CTIF: variants seen among roughly 807,000 people sequenced by gnomAD.
CTIF encodes the protein cap binding complex dependent translation initiation factor, also known as CBP80/20-dependent translation initiation factor.
CTIF carries 21 observed loss-of-function variants against 66.0 expected under a neutral mutation model. The ratio of observed to expected loss-of-function variants is 0.32; its 90% CI spans 0.23 to 0.46. The LOEUF is 0.46. Among genes scored for constraint, CTIF ranks in the 20% least tolerant of loss-of-function variants. CTIF has a pLI of 1.00. For synonymous variants in CTIF, 345 were observed against 326.4 expected (o/e 1.06, Z -0.62); for missense variants, 739 against 812.7 (o/e 0.91, Z 1.10).
intron 1 of CTIF, among the ~76,000 whole-genome samples, chr18:48,589,468 C>T (rs2089842721): frequency 6.6e-6 from 1 of 152,204 alleles, no homozygotes. Context: ...CAGTATGACC[C>T]CATCCTAACT....
rs35554666 is a variant in CTIF at position 48,823,976 on chromosome 18, C to CCACACACACACA, written c.1527+6627_1527+6638dup. Reference sequence around the variant, plus strand: ...TTATATATAGAAAATCCTAAAGACTCCACACACACACACACACACACACAC... The same window carrying CCACACACACACA: ...TTATATATAGAAAATCCTAAAGACTCCACACACACACACACACACACACACACACACACACAC... On this transcript the variant is annotated intron_variant, in intron 10 of 11. Coordinates refer to ENST00000256413, the MANE Select transcript of CTIF (RefSeq NM_014772.3). 3.4e-3 allele frequency among the ~76,000 whole-genome samples: 423 copies of CCACACACACACA among 124,206 alleles called. 8 individuals carry two copies. In the East Asian group the frequency reaches 0.073, roughly 21 times the overall value. 81.5% of individuals were successfully genotyped at this position (124,206 alleles called of 152,430 possible).
chr18:48,704,192 A>G (rs1197318733), intron 6 of CTIF, among the ~76,000 whole-genome samples: 1 of 152,132 alleles, frequency 6.6e-6, no homozygotes, highest in African/African-American at 2.4e-5. Flanking sequence ...ACCGTAGGCC[A>G]TGTCACATCA....
rs145977488 is a variant in CTIF, at chr18:48,735,970, G to A, written c.585-21949G>A. Among the ~76,000 whole-genome samples the A allele has an allele frequency of 1.5e-3, 234 of 152,264 alleles. 1 individual carries two copies. The highest frequency in any genetic ancestry group is 2.9e-3 in the Non-Finnish European group (196 of 68,024). On this transcript the variant is annotated intron_variant, in intron 7 of 11. Coordinates refer to ENST00000256413, the MANE Select transcript of CTIF (RefSeq NM_014772.3). ...CGGAGGAGTTGGAAAGGGCACACCC[G>A]GGTGGTCTGGTGGTTAGGATGGCCC...
rs1173242398 is a variant in CTIF, at chr18:48,817,788, A to G, written c.1527+412A>G. Among the ~76,000 whole-genome samples, 12 of 146,302 alleles carry G rather than the reference A, an allele frequency of 8.2e-5. 1 individual carries two copies. Among genetic ancestry groups the G allele is most frequent in the East Asian group, 3.9e-4 (2 of 5,126 alleles). ...AGACTCGGTCTCCAAAAAAAAAAAA[A>G]GGGGGCCCATCCTTCAGCAAAGAGA... On this transcript the variant is annotated intron_variant, in intron 10 of 11. Transcript: ENST00000256413.
intron 8 of CTIF, among the ~76,000 whole-genome samples, chr18:48,758,789 G>A (rs1908673231): frequency 6.6e-6 from 1 of 152,150 alleles, no homozygotes; most frequent in African/African-American, 2.4e-5. Context: ...GGGAAACATG[G>A]AGCTTATGAA....
At chr18:48,579,434 CTG>C (rs1417649145) in intron 1 of CTIF, among the ~76,000 whole-genome samples, 4 of 152,232 alleles carry the variant, frequency 2.6e-5, no homozygotes, top group African/African-American at 9.6e-5. Context: ...GTGTGAGCCA[CTG>C]TGCCTGGCCA....
In CTIF at chr18:48,822,181, A is replaced by G. The variant is rs139448644; in HGVS notation, c.1527+4805A>G. 5.7e-3 allele frequency among the ~76,000 whole-genome samples: 866 copies of G among 152,340 alleles called. 8 individuals carry two copies. The highest frequency in any genetic ancestry group is 0.02 in the African/African-American group (821 of 41,570). ...CTTTGTAAAGGCTGAATAGTATTCC[A>G]TCGTATGTATATACCACTTTAAAAT... On this transcript the variant is annotated intron_variant, in intron 10 of 11. Coordinates refer to ENST00000256413, the MANE Select transcript of CTIF (RefSeq NM_014772.3).
Position 48,634,110 on chromosome 18 carries a change from T to G in CTIF, c.181-2504T>G, listed in dbSNP as rs111897328. On this transcript the variant is annotated intron_variant, in intron 2 of 11. Transcript: ENST00000256413. ...CTTTTCTTTTACAACCTTGACACTT[T>G]TGAAGAGTTCTGGTCAATGCTTCTG... Among the ~76,000 whole-genome samples the G allele has an allele frequency of 5.1e-3, 776 of 152,320 alleles. 5 individuals carry two copies. The highest frequency in any genetic ancestry group is 0.034 in the Middle Eastern group (10 of 294).
intron 6 of CTIF, among the ~76,000 whole-genome samples, chr18:48,695,646 C>T (rs1288699022): frequency 6.6e-6 from 1 of 152,186 alleles, no homozygotes; most frequent in Non-Finnish European, 1.5e-5. Flanking sequence ...TATCTCAGGG[C>T]TATTGTGAGG....
chr18:48,590,009 G>A (rs11661036), intron 1 of CTIF, among the ~76,000 whole-genome samples: 5,150 of 151,828 alleles, frequency 0.034, 120 homozygotes, highest in Non-Finnish European at 0.046. Flanking sequence ...CGAGTGCCTC[G>A]TGCTGCTGTT....
chr18:48,836,821 G>A (rs572986979), intron 10 of CTIF, among the ~76,000 whole-genome samples: 205 of 152,316 alleles, frequency 1.3e-3, no homozygotes, highest in Non-Finnish European at 2.0e-3. Context: ...CCTGGGCACC[G>A]CACATAGATG....
At chr18:48,669,026 C>T (rs1397650370) in intron 5 of CTIF, among the ~76,000 whole-genome samples, 2 of 152,118 alleles carry the variant, frequency 1.3e-5, no homozygotes, top group East Asian at 3.9e-4. Flanking sequence ...CTGGTGTTTG[C>T]AGCTAGTTTC....
At chr18:48,567,517 A>G (rs565234203) in intron 1 of CTIF, 25 of 152,322 alleles carry the variant, frequency 1.6e-4, no homozygotes, top group African/African-American at 5.5e-4. Context: ...TGCCCCAGGG[A>G]CGACGATAGT....
chr18:48,658,313 G>A (rs1374164394), intron 3 of CTIF, among the ~76,000 whole-genome samples: 3 of 152,028 alleles, frequency 2.0e-5, no homozygotes, highest in African/African-American at 7.3e-5. Context: ...TGTGGCATGT[G>A]CCTGTATGTG....
In CTIF at chr18:48,586,073, C is replaced by A. The variant is rs2089760595; in HGVS notation, c.-28-33465C>A. Among the ~76,000 whole-genome samples the A allele has an allele frequency of 2.0e-5, 3 of 152,260 alleles. No homozygotes were observed. The South Asian group carries it at 6.2e-4, about 32-fold the overall frequency. ...GCAGGGGTGGTGGCCTCTGCCCTCA[C>A]TTTTCCTAGAGACATATTTGTAAGT... On this transcript the variant is annotated intron_variant, in intron 1 of 11. Coordinates refer to ENST00000256413, the MANE Select transcript of CTIF (RefSeq NM_014772.3).
chr18:48,743,574 T>C (rs1362797343), intron 7 of CTIF, among the ~76,000 whole-genome samples: 1 of 152,264 alleles, frequency 6.6e-6, no homozygotes, highest in African/African-American at 2.4e-5. Context: ...TAGAAAATCA[T>C]GCTTTTGCTT....
At chr18:48,735,837 G>A (rs1218875772) in intron 7 of CTIF, among the ~76,000 whole-genome samples, 1 of 152,156 alleles carries the variant, frequency 6.6e-6, no homozygotes, top group African/African-American at 2.4e-5. Flanking sequence ...TCCTCCCTGC[G>A]AGCTGCAGCC....
chr18:48,775,154 T>C (rs1034157068), intron 9 of CTIF, among the ~76,000 whole-genome samples: 13 of 152,152 alleles, frequency 8.5e-5, no homozygotes, highest in Non-Finnish European at 1.9e-4. Flanking sequence ...ATGCAACTGG[T>C]TGACTCTGGG....
At chr18:48,629,758 A>G (rs2090668804) in intron 2 of CTIF, among the ~76,000 whole-genome samples, 1 of 152,038 alleles carries the variant, frequency 6.6e-6, no homozygotes, top group Non-Finnish European at 1.5e-5. Context: ...TCATGCTGCC[A>G]CTTTTTGGCT....
Sources: gnomAD v4.1 joint callset for allele counts (sites outside exome capture counted in the v4.1 genomes callset) on GRCh38, gnomAD v4.1.1 for gene constraint, MANE v1.5 for transcripts, NCBI Gene and HGNC (gene_info 2026-07-23, HGNC 2026-07-21) for gene names.